The following TPO variants were observed in gnomAD, a reference collection of about 807,000 sequenced individuals.
TPO encodes the protein thyroid microsomal antigen.
TPO carries 78 observed loss-of-function variants against 96.9 expected under a neutral mutation model. That is an observed-to-expected ratio of 0.81 (90% CI 0.67 to 0.97). TPO has a LOEUF of 0.97. Ranked by LOEUF, TPO falls within the 50% of genes least tolerant of loss-of-function variation. The probability of loss-of-function intolerance (pLI) is 0.00; values close to 1 mark genes in which losing one functional copy is unlikely to be tolerated. For synonymous variants in TPO, 547 were observed against 538.0 expected (o/e 1.02, Z -0.23); for missense variants, 1,252 against 1,274.8 (o/e 0.98, Z 0.27).
chr2:1,388,518 G>A (rs951760670), intron 1 of TPO, among the ~76,000 whole-genome samples: 1 of 152,186 alleles, frequency 6.6e-6, no homozygotes, highest in African/African-American at 2.4e-5. Context: ...CCAGGCGTAG[G>A]GTATAATCTC....
intron 15 of TPO, among the ~76,000 whole-genome samples, chr2:1,527,805 GTATGCAACCTCCTCAAATCCCCATAC>G (rs1676939755): frequency 8.9e-6 from 1 of 112,176 alleles, no homozygotes; most frequent in African/African-American, 3.6e-5. Flanking sequence ...CCCACACACT[GTATGCAACCTCCTCAAATCCCCATAC>G]TGTGTGCAAC....
intron 9 of TPO, among the ~76,000 whole-genome samples, chr2:1,486,890 G>A (rs753601289): frequency 2.0e-4 from 30 of 152,290 alleles, no homozygotes; most frequent in Admixed American, 1.8e-3. Context: ...GAGGGGCAAG[G>A]GCCAGCCTGG....
At chr2:1,416,695 G>A (rs11682961) in intron 2 of TPO, among the ~76,000 whole-genome samples, 2,700 of 152,320 alleles carry the variant, frequency 0.018, 94 homozygotes, top group African/African-American at 0.061. Flanking sequence ...AAATGTGAAT[G>A]AGTTACTGAA....
intron 5 of TPO, among the ~76,000 whole-genome samples, chr2:1,437,207 G>T (rs1383755012): frequency 1.3e-5 from 2 of 152,236 alleles, no homozygotes; most frequent in African/African-American, 2.4e-5. Context: ...GGGCTGAAAC[G>T]TGCAGCCTTT....
chr2:1,453,564 G>T, intron 5 of TPO, 130 bp from the exon 6 acceptor site: 3 of 1,437,646 alleles, frequency 2.1e-6, no homozygotes, highest in Non-Finnish European at 2.9e-6. Context: ...GTCTTCTGGG[G>T]AGCTGTGCCC....
intron 15 of TPO, among the ~76,000 whole-genome samples, chr2:1,524,442 CCCCACTGTGTGCAACCCCCCAAATCCCA>C (rs1553334382): frequency 1.7e-5 from 2 of 121,204 alleles, no homozygotes; most frequent in African/African-American, 6.3e-5. Context: ...CCCCAAATCC[CCCCACTGTGTGCAACCCCCCAAATCCCA>C]CCCACTGTGT....
At chr2:1,527,893 TGCAACCTCCTCAAATCCCCCCAATGTGA>T (rs1484175893) in intron 15 of TPO, among the ~76,000 whole-genome samples, 30 of 82,374 alleles carry the variant, frequency 3.6e-4, no homozygotes, top group Non-Finnish European at 5.2e-4. Context: ...CCCCACTGCG[TGCAACCTCCTCAAATCCCCCCAATGTGA>T]GCAACCTCCT....
intron 7 of TPO, among the ~76,000 whole-genome samples, chr2:1,472,496 G>A (rs150418511): frequency 2.0e-5 from 3 of 152,250 alleles, no homozygotes; most frequent in Non-Finnish European, 4.4e-5. Context: ...CTGAGTACAC[G>A]TTCTGTATCT....
chr2:1,505,246 T>TTCCTGTGTCAGGCGCACCCCC (rs1365905178), intron 14 of TPO, among the ~76,000 whole-genome samples: 1 of 143,182 alleles, frequency 7.0e-6, no homozygotes, highest in East Asian at 2.1e-4. Context: ...ATACACCCCC[T>TTCCTGTGTCAGGCGCACCCCC]TCCTGTGTCA....
chr2:1,423,152 C>A, intron 3 of TPO, 23 bp downstream of exon 3: 1 of 1,610,426 alleles, frequency 6.2e-7, no homozygotes, highest in South Asian at 1.1e-5. Flanking sequence ...GAGGGGCCGC[C>A]GCCCCAAATG....
At chr2:1,516,500 G>A (rs908826634) in intron 14 of TPO, among the ~76,000 whole-genome samples, 4 of 152,138 alleles carry the variant, frequency 2.6e-5, no homozygotes, top group Admixed American at 6.5e-5. Context: ...AACCTTTCCC[G>A]CCCCGGTCCG....
At chr2:1,534,114 G>A (rs1237392560) in intron 15 of TPO, among the ~76,000 whole-genome samples, 4 of 56,796 alleles carry the variant, frequency 7.0e-5, no homozygotes, top group Non-Finnish European at 9.9e-5. Flanking sequence ...CCCCCACTCT[G>A]TGCAACCTCC....
chr2:1,416,626 G>C (rs573826125), intron 2 of TPO, among the ~76,000 whole-genome samples: 1 of 152,202 alleles, frequency 6.6e-6, no homozygotes, highest in African/African-American at 2.4e-5. Flanking sequence ...ACTGCCCCGC[G>C]TGCTGGGCAC....
intron 5 of TPO, among the ~76,000 whole-genome samples, chr2:1,437,818 C>T (rs1665734735): frequency 7.3e-6 from 1 of 136,292 alleles, no homozygotes; most frequent in Non-Finnish European, 1.6e-5. Context: ...GCTGTCCACC[C>T]CTCCTGCCCT....
intron 2 of TPO, among the ~76,000 whole-genome samples, chr2:1,418,553 C>A (rs557326818): frequency 3.3e-5 from 5 of 152,100 alleles, no homozygotes; most frequent in Non-Finnish European, 7.4e-5. Context: ...TATGCTTGAC[C>A]ATTGTTGTCT....
chr2:1,495,527 A>G (rs1245188696), intron 11 of TPO, among the ~76,000 whole-genome samples: 1 of 152,234 alleles, frequency 6.6e-6, no homozygotes, highest in Non-Finnish European at 1.5e-5. Context: ...ATTTGCTGTC[A>G]TCATTCTTGT....
At chr2:1,540,793 A>AGCTCTGCTGG (rs1338885378) in intron 16 of TPO, 70 bp downstream of exon 16, 1 of 1,612,322 alleles carries the variant, frequency 6.2e-7, no homozygotes, top group East Asian at 2.2e-5. Context: ...GTGTCGGAGC[A>AGCTCTGCTGG]GCTCTGCTGG....
chr2:1,522,638 CTCCT>C (rs1472519277), intron 15 of TPO, among the ~76,000 whole-genome samples: 4 of 152,108 alleles, frequency 2.6e-5, no homozygotes, highest in African/African-American at 9.7e-5. Context: ...AGAATACTCC[CTCCT>C]TATCATCTCA....
At chr2:1,484,924 T>A in intron 9 of TPO, 70 bp downstream of exon 9, 1 of 1,586,916 alleles carries the variant, frequency 6.3e-7, no homozygotes. Context: ...TTTTAAATTA[T>A]ATTTTAAGTT....
Sources: gnomAD v4.1 joint callset for allele counts (sites outside exome capture counted in the v4.1 genomes callset) on GRCh38, gnomAD v4.1.1 for gene constraint, MANE v1.5 for transcripts, NCBI Gene and HGNC (gene_info 2026-07-23, HGNC 2026-07-21) for gene names.